FRA10AC1: variants seen among roughly 807,000 people sequenced by gnomAD.
FRA10AC1 encodes the protein FRA10A associated CGG repeat 1, also known as protein FRA10AC1.
In FRA10AC1, 43 loss-of-function variants were observed where a neutral mutation model predicts 56.5. The observed-to-expected ratio is 0.76, with a 90% confidence interval of 0.60 to 0.98. The LOEUF (loss-of-function observed/expected upper bound fraction) is 0.98. FRA10AC1 is among the 50% of genes least tolerant of loss of function. The pLI is 0.00. For missense variants in FRA10AC1, 346 were observed against 351.8 expected (o/e 0.98, Z 0.13); for synonymous variants, 112 against 110.5 (o/e 1.01, Z -0.09).
At chr10:93,701,032 C>T (rs1210218312) in intron 1 of FRA10AC1, among the ~76,000 whole-genome samples, 1 of 152,010 alleles carries the variant, frequency 6.6e-6, no homozygotes, top group Non-Finnish European at 1.5e-5. Flanking sequence ...TAAGGGGTTT[C>T]GCCATGTTGC....
chr10:93,685,788 T>C (rs1044928609), intron 8 of FRA10AC1, among the ~76,000 whole-genome samples: 1 of 151,778 alleles, frequency 6.6e-6, no homozygotes, highest in Non-Finnish European at 1.5e-5. Context: ...GGGTGAAACC[T>C]TTCAATATTT....
At chr10:93,693,692 C>CCATATATATATATATATAT (rs2059181592) in intron 5 of FRA10AC1, among the ~76,000 whole-genome samples, 2 of 80,598 alleles carry the variant, frequency 2.5e-5, no homozygotes, top group Non-Finnish European at 6.6e-5. Flanking sequence ...ATATATATAC[C>CCATATATATATATATATAT]ATATATATAT....
At chr10:93,695,241 AGCCTCC>A in intron 4 of FRA10AC1, among the ~76,000 whole-genome samples, 1 of 152,244 alleles carries the variant, frequency 6.6e-6, no homozygotes, top group South Asian at 2.1e-4. Context: ...AACTGCATAT[AGCCTCC>A]TACCACCACT....
chr10:93,668,467 G>C lies in FRA10AC1; in HGVS notation c.*1359C>G, dbSNP rs2058712547. 1 of 152,168 alleles carries C rather than the reference G, an allele frequency of 6.6e-6. No individual in the cohort carries two copies. The highest frequency in any genetic ancestry group is 1.5e-5 in the Non-Finnish European group (1 of 68,052). 9.4% of individuals were successfully genotyped at this position (152,168 alleles called of 1,614,324 possible). ...TTGGATCTCCTGAAGCACCTCCATA[G>C]ACCCTTGCGACTAGGACCTTATGTT... On this transcript the variant is annotated 3_prime_UTR_variant, in exon 14 of 14. Transcript: ENST00000359204.
chr10:93,686,283 G>A (rs888361503), intron 8 of FRA10AC1, among the ~76,000 whole-genome samples: 8 of 151,710 alleles, frequency 5.3e-5, no homozygotes, highest in African/African-American at 1.2e-4. Context: ...TGTTTAGTAG[G>A]TAAGGCTTTG....
At chr10:93,696,414 T>C (rs10882306) in intron 4 of FRA10AC1, among the ~76,000 whole-genome samples, 61,770 of 152,064 alleles carry the variant, frequency 0.41, 14,674 homozygotes, top group Non-Finnish European at 0.52. Context: ...AAAACTGTGG[T>C]TCCCAGTCAG....
intron 1 of FRA10AC1, among the ~76,000 whole-genome samples, chr10:93,701,112 A>G (rs966388485): frequency 1.3e-5 from 2 of 152,148 alleles, no homozygotes; most frequent in African/African-American, 4.8e-5. Flanking sequence ...CTGGGACTTC[A>G]TTTTAGAACT....
intron 7 of FRA10AC1, 165 bp from the exon 8 acceptor site, chr10:93,687,614 A>G (rs2059053665): frequency 1.5e-6 from 1 of 648,458 alleles, no homozygotes; most frequent in African/African-American, 1.9e-5. Context: ...TTGAACAATC[A>G]CCAATTTATC....
At chr10:93,693,482 GTA>G (rs777454590) in intron 5 of FRA10AC1, among the ~76,000 whole-genome samples, 6,993 of 36,074 alleles carry the variant, frequency 0.19, 679 homozygotes, top group East Asian at 0.56. Context: ...TGGTGTGTGT[GTA>G]TATATATATA....
chr10:93,702,597 C>A, upstream of FRA10AC1: 1 of 219,914 alleles, frequency 4.5e-6, no homozygotes. Context: ...ACTTCCGGTC[C>A]GACACGGCCA....
chr10:93,686,429 G>C (rs1564816851), intron 8 of FRA10AC1, among the ~76,000 whole-genome samples: 1 of 151,468 alleles, frequency 6.6e-6, no homozygotes, highest in Non-Finnish European at 1.5e-5. Context: ...TTTTTTAAAA[G>C]GTAGCATTAT....
intron 7 of FRA10AC1, among the ~76,000 whole-genome samples, chr10:93,688,302 G>C (rs564488952): frequency 1.3e-5 from 2 of 152,246 alleles, no homozygotes; most frequent in East Asian, 3.9e-4. Context: ...TTCCAGAAAA[G>C]GCAAAACTAT....
In FRA10AC1 at chr10:93,668,246, A is replaced by G. The variant is rs1293785531; in HGVS notation, c.*1580T>C. ...TGCTTATGTTCAGTTCATTTTCTAT[A>G]TGTCCTTTCTCTTATTCATCAAGTC... On this transcript the variant is annotated 3_prime_UTR_variant, in exon 14 of 14. Transcript: ENST00000359204. 1 of 152,158 alleles carries G rather than the reference A, an allele frequency of 6.6e-6. No homozygotes were observed. Among genetic ancestry groups the G allele is most frequent in the African/African-American group, 2.4e-5 (1 of 41,424 alleles). 9.4% of individuals were successfully genotyped at this position (152,158 alleles called of 1,614,324 possible). A position where few individuals can be genotyped will look rare whatever the true frequency, so the allele number is the denominator to read the frequency against.
At chr10:93,697,746 T>A (rs1564822371) in intron 4 of FRA10AC1, among the ~76,000 whole-genome samples, 1 of 152,194 alleles carries the variant, frequency 6.6e-6, no homozygotes, top group Non-Finnish European at 1.5e-5. Context: ...ATAGACCTAA[T>A]TTTAAATACA....
intron 4 of FRA10AC1, 125 bp from the exon 5 acceptor site, chr10:93,695,062 C>T (rs567049082): frequency 3.4e-6 from 2 of 592,898 alleles, no homozygotes; most frequent in East Asian, 2.9e-5. Context: ...TATTCACACA[C>T]TATACATGCT....
At chr10:93,676,905 GGTCT>G (rs1235619905) in intron 11 of FRA10AC1, among the ~76,000 whole-genome samples, 1 of 151,844 alleles carries the variant, frequency 6.6e-6, no homozygotes, top group Non-Finnish European at 1.5e-5. Flanking sequence ...GTGCTCATAT[GGTCT>G]GTAATAGCCA....
At chr10:93,685,222 A>C (rs372905927) in intron 9 of FRA10AC1, 24 bp downstream of exon 9, 7 of 990,220 alleles carry the variant, frequency 7.1e-6, no homozygotes, top group Non-Finnish European at 9.6e-6. Flanking sequence ...AGAATCAATC[A>C]TATACCCCCT....
chr10:93,672,038 T>A (rs1367927264), intron 12 of FRA10AC1: 1 of 448,700 alleles, frequency 2.2e-6, no homozygotes, highest in Non-Finnish European at 4.5e-6. Flanking sequence ...ACACTATAAC[T>A]CACAAAGTAG....
At position 93,685,108 on chromosome 10, in the gene FRA10AC1, A is replaced by T. The variant is rs899855940; in HGVS notation, c.625+138T>A. The T allele has an allele frequency of 1.7e-5, 10 of 572,468 alleles. No individual in the cohort carries two copies. In the African/African-American group the frequency reaches 1.8e-4, roughly 10 times the overall value. 35.5% of individuals were successfully genotyped at this position (572,468 alleles called of 1,614,324 possible). A position where few individuals can be genotyped will look rare whatever the true frequency, so the allele number is the denominator to read the frequency against. On this transcript the variant is annotated intron_variant, in intron 9 of 13. Transcript: ENST00000359204. ...AACTGAGGCTGAAAAGTTCTTTGAG[A>T]CTTTGGGAAGCTCCAAGAAAAAAGA...
Sources: allele counts gnomAD v4.1 joint callset (sites outside exome capture counted in the v4.1 genomes callset), GRCh38; gene constraint gnomAD v4.1.1; transcripts MANE v1.5; gene names NCBI Gene and HGNC (gene_info 2026-07-23, HGNC 2026-07-21).